RASSF1: variants seen among roughly 807,000 people sequenced by gnomAD.
RASSF1 encodes Ras association domain family member 1.
Under a neutral mutation model 34.3 loss-of-function variants are expected in RASSF1, and 33 were observed. The ratio of observed to expected loss-of-function variants is 0.96; its 90% CI spans 0.73 to 1.29. The LOEUF (loss-of-function observed/expected upper bound fraction) is 1.29, where lower values mean the gene tolerates loss of function less well. RASSF1 is among the 50% of genes most tolerant of loss of function. The probability of loss-of-function intolerance (pLI) is 0.00; values close to 1 mark genes in which losing one functional copy is unlikely to be tolerated. For missense variants in RASSF1, 445 were observed against 471.8 expected, an observed-to-expected ratio of 0.94 and a Z score of 0.53; for synonymous variants, 191 against 195.0, an observed-to-expected ratio of 0.98 and a Z score of 0.17.
At chr3:50,338,149 C>T (rs1703233014) in intron 1 of RASSF1, 138 bp from the exon 2 acceptor site, 2 of 1,453,158 alleles carry the variant, frequency 1.4e-6, no homozygotes, top group Non-Finnish European at 9.1e-7. Flanking sequence ...TTACCTCACA[C>T]TGCTACGCGG....
chr3:50,331,816 A>G lies in RASSF1; in HGVS notation c.503T>C (p.Leu168Pro), dbSNP rs902914352. The G allele has an allele frequency of 6.3e-7, 1 of 1,588,684 alleles. No individual in the cohort carries two copies. The highest frequency in any genetic ancestry group is 8.6e-7 in the Non-Finnish European group (1 of 1,162,582). ...GSYTGFIKVQ[L>P]KLVRPVSVPS... ...CACAGAGACAGGGCGCACCAGCTTC[A>G]GCTGAACCTTGATGAAGCCTGTGTA... Residue 168 changes from leucine (L) to proline (P), a missense_variant, in exon 4 of 6, where the codon CTG becomes CCG. Coordinates refer to ENST00000359365, the MANE Select transcript of RASSF1 (RefSeq NM_007182.5).
At chr3:50,337,192 C>G in intron 2 of RASSF1, 11 of 1,611,658 alleles carry the variant, frequency 6.8e-6, no homozygotes, top group Middle Eastern at 1.7e-4. Context: ...GCGCGGCCTG[C>G]GAGCTAGCGA....
chr3:50,340,745 T>G lies in RASSF1; in HGVS notation c.61A>C (p.Lys21Gln), dbSNP rs4688725. ...RELAPAGRAG[K>Q]GRTRLERANA... ...GCACGCTCCAGCCGGGTGCGGCCCT[T>G]CCCAGCGCGCCCAGCGGGTGCCAGC... is the stretch of plus-strand genomic sequence containing the variant. The change falls in exon 1 of 6, where the codon AAG (lysine) becomes CAG (glutamine). Residue 21 changes from lysine to glutamine, a missense_variant. Transcript: ENST00000359365. 0.04 allele frequency: 60,214 copies of G among 1,513,054 alleles called. 10,668 individuals carry two copies. The East Asian group carries it at 0.52, about 13-fold the overall frequency. 93.7% of individuals were successfully genotyped at this position (1,513,054 alleles called of 1,614,324 possible). A position where few individuals can be genotyped will look rare whatever the true frequency, so the allele number is the denominator to read the frequency against.
At chr3:50,339,809 G>C (rs1460621413) in intron 1 of RASSF1, among the ~76,000 whole-genome samples, 2 of 152,204 alleles carry the variant, frequency 1.3e-5, no homozygotes, top group Non-Finnish European at 2.9e-5. Context: ...AAATAGGCCA[G>C]AGCAGTGATG....
At chr3:50,337,694 G>T in intron 2 of RASSF1, 1 of 836,318 alleles carries the variant, frequency 1.2e-6, no homozygotes, top group Non-Finnish European at 1.8e-6. Context: ...GTCAGCCTGG[G>T]CCCGGGTCCG....
chr3:50,336,906 A>G, intron 2 of RASSF1: 1 of 518,222 alleles, frequency 1.9e-6, no homozygotes, highest in East Asian at 3.6e-5. Context: ...TGCCCGGCTC[A>G]GGTCTACCAC....
Position 50,340,665 on chromosome 3 carries a change from GACCAGCTGCCGTGT to G in RASSF1, c.127_140del (p.Thr43ProfsTer82), listed in dbSNP as rs1483984626. The G allele has an allele frequency of 6.5e-7, 1 of 1,533,056 alleles. No homozygotes were observed. Among genetic ancestry groups the G allele is most frequent in the East Asian group, 2.6e-5 (1 of 38,008 alleles). The allele number at this position is 1,533,056 out of a possible 1,614,324, so 95.0% of individuals were successfully genotyped here. A position where few individuals can be genotyped will look rare whatever the true frequency, so the allele number is the denominator to read the frequency against. ...GCTGGAAGCGGTGGCCACGGCCAGGGACCAGCTGCCGTGTGGGGTTGCACGCGGTGCCCCGCGCG... is the reference window on the plus strand; with the variant it reads ...GCTGGAAGCGGTGGCCACGGCCAGGGGGGGTTGCACGCGGTGCCCCGCGCG... On this transcript the variant is annotated frameshift_variant, in exon 1 of 6. Coordinates refer to ENST00000359365, the MANE Select transcript of RASSF1 (RefSeq NM_007182.5). LOFTEE classifies it high-confidence loss of function.
intron 2 of RASSF1, chr3:50,337,352 T>A (rs761663770): frequency 2.5e-6 from 4 of 1,605,008 alleles, no homozygotes; most frequent in Non-Finnish European, 3.4e-6. Context: ...GTCCTGCGCG[T>A]CCGTAGCCGC....
intron 2 of RASSF1, chr3:50,337,412 G>A: frequency 6.3e-7 from 1 of 1,582,704 alleles, no homozygotes. Flanking sequence ...CAGTGTGCGC[G>A]TGCGCCCGGG....
intron 2 of RASSF1, among the ~76,000 whole-genome samples, chr3:50,332,919 A>AC (rs1434200412): frequency 6.6e-6 from 1 of 151,720 alleles, no homozygotes. Context: ...ACATGGAGAA[A>AC]CCCCGTCTCT....
rs371335953 is a variant in RASSF1 at position 50,330,680 on chromosome 3, C to T, written c.924G>A (p.Leu308=). The part of the protein sequence containing the change: ...MPELHNFLRI[L]QREEEEHLRQ... ...GGAGGTGCTCCTCCTCCTCCCGCTGCAGGATACGTAGGAAGTTATGTAGTT... is the reference window on the plus strand; with the variant it reads ...GGAGGTGCTCCTCCTCCTCCCGCTGTAGGATACGTAGGAAGTTATGTAGTT... Residue 308 remains leucine, a synonymous_variant, in exon 6 of 6, where the codon CTG becomes CTA. Transcript: ENST00000359365. The surrounding 1 kb of genome is among the most constrained non-coding windows in gnomAD (Gnocchi z 4.5). 86 of 1,614,014 alleles carry T rather than the reference C, an allele frequency of 5.3e-5. No homozygotes were observed. The highest frequency in any genetic ancestry group is 6.9e-5 in the Non-Finnish European group (82 of 1,180,008).
At chr3:50,337,761 C>A in intron 2 of RASSF1, 144 bp downstream of exon 2, 1 of 953,446 alleles carries the variant, frequency 1.0e-6, no homozygotes. Context: ...TCCCAGCCCC[C>A]GCGCAGAATT....
rs906428880 is a variant in RASSF1, at chr3:50,335,313, CTT to C, written c.357+2590_357+2591del. On this transcript the variant is annotated intron_variant, in intron 2 of 5. Coordinates refer to ENST00000359365, the MANE Select transcript of RASSF1 (RefSeq NM_007182.5). ...GGGACTTCTCAGCCTCCTATTCTTT[CTT>C]TTTTTTTTTTTTTTTTTTTGAGACA... Among the ~76,000 whole-genome samples the C allele has an allele frequency of 2.7e-3, 286 of 107,922 alleles. 1 individual carries two copies. Among genetic ancestry groups the C allele is most frequent in the African/African-American group, 0.01 (272 of 26,846 alleles). The allele number at this position is 107,922 out of a possible 152,430, so 70.8% of individuals were successfully genotyped here.
chr3:50,330,544 T>G lies in RASSF1; in HGVS notation c.*37A>C. 6.2e-7 allele frequency: 1 copy of G among 1,611,894 alleles called. No homozygotes were observed. Among genetic ancestry groups the G allele is most frequent in the South Asian group, 1.1e-5 (1 of 91,018 alleles). On this transcript the variant is annotated 3_prime_UTR_variant, in exon 6 of 6. Transcript: ENST00000359365. This position sits in a 1 kb window ranked among gnomAD's most constrained non-coding sequence, Gnocchi z 4.5. ...CACTCACACGGCACGCACTTGGCGC[T>G]GCCTGCTGTCTGCCTTCCACCTGGG...
chr3:50,338,651 G>A (rs1703254724), intron 1 of RASSF1, among the ~76,000 whole-genome samples: 2 of 152,068 alleles, frequency 1.3e-5, no homozygotes, highest in African/African-American at 4.8e-5. Context: ...TTTAACCTAC[G>A]TCTGCCCTGT....
rs747713917 is a variant in RASSF1, at chr3:50,340,822, T to C, written c.-17A>G. 3.4e-6 allele frequency: 5 copies of C among 1,456,186 alleles called. 1 individual carries two copies. The South Asian group carries it at 3.9e-5, about 11-fold the overall frequency. The allele number at this position is 1,456,186 out of a possible 1,614,324, so 90.2% of individuals were successfully genotyped here. ...CCCCGACATGGCCCGGTTGGGCCCG[T>C]GCTTCGCTGGCTTTGGGCGCTAGCA... is the stretch of plus-strand genomic sequence containing the variant. On this transcript the variant is annotated 5_prime_UTR_variant, in exon 1 of 6. Transcript: ENST00000359365.
intron 2 of RASSF1, chr3:50,337,230 C>T: frequency 2.5e-6 from 4 of 1,613,118 alleles, no homozygotes; most frequent in Non-Finnish European, 3.4e-6. Context: ...ACTGCTCGAG[C>T]TCCGAGTCCG....
chr3:50,332,054 C>A lies in RASSF1; in HGVS notation c.458G>T (p.Ser153Ile). Residue 153 changes from serine (S) to isoleucine (I), a missense_variant, in exon 3 of 6, where the codon AGC (serine) becomes ATC (isoleucine). By Grantham distance (142) the Ser-to-Ile change is moderately radical. Coordinates refer to ENST00000359365, the MANE Select transcript of RASSF1 (RefSeq NM_007182.5). ...CTTCCTGAGCAGTCAACTCACCAAG[C>A]TCATGAAGAGGTTGCTGTTGATCTG... ...NAQINSNLFM[S>I]LNKDGSYTGF... 6.2e-7 allele frequency: 1 copy of A among 1,614,076 alleles called. No individual in the cohort carries two copies. The highest frequency in any genetic ancestry group is 1.3e-5 in the African/African-American group (1 of 75,044).
At position 50,330,630 on chromosome 3, in the gene RASSF1, T is replaced by G; in HGVS notation, c.974A>C (p.Tyr325Ser). 1 of 1,613,982 alleles carries G rather than the reference T, an allele frequency of 6.2e-7. No individual in the cohort carries two copies. Among genetic ancestry groups the G allele is most frequent in the Non-Finnish European group, 8.5e-7 (1 of 1,179,966 alleles). The change falls in exon 6 of 6, where the codon TAT (tyrosine) becomes TCT (serine). Residue 325 changes from tyrosine (Y) to serine (S), a missense_variant. By Grantham distance (144) the Tyr-to-Ser change is moderately radical (BLOSUM62 -2). Transcript: ENST00000359365. This position sits in a 1 kb window ranked among gnomAD's most constrained non-coding sequence, Gnocchi z 4.5. ...HLRQILQKYS[Y>S]CRQKIQEALH... ...GGCCTCTTGGATCTTCTGGCGGCAA[T>G]AGGAGTACTTCTGCAGGATCTGGCG... is the stretch of plus-strand genomic sequence containing the variant.
Sources: gnomAD v4.1 joint callset for allele counts (sites outside exome capture counted in the v4.1 genomes callset) on GRCh38, gnomAD v4.1.1 for gene constraint, Gnocchi (gnomAD v3.1) non-coding constraint, MANE v1.5 for transcripts, NCBI Gene and HGNC (gene_info 2026-07-23, HGNC 2026-07-21) for gene names.